IL1RAPL1: variants seen among roughly 807,000 people sequenced by gnomAD.
The protein encoded by IL1RAPL1 is interleukin-1 receptor accessory protein-like 1.
IL1RAPL1 carries 3 observed loss-of-function variants against 48.4 expected under a neutral mutation model. The observed-to-expected ratio is 0.06, with a 90% CI of 0.03 to 0.16. The LOEUF (loss-of-function observed/expected upper bound fraction) is 0.16, where lower values mean the gene tolerates loss of function less well. Ranked by LOEUF, IL1RAPL1 falls within the 10% of genes least tolerant of loss-of-function variation. The pLI is 1.00. For missense variants in IL1RAPL1, 349 were observed against 530.6 expected (o/e 0.66, Z 3.36); for synonymous variants, 185 against 187.7 (o/e 0.99, Z 0.12).
intron 5 of IL1RAPL1, among the ~76,000 whole-genome samples, chrX:29,641,718 A>C (rs1925176145): frequency 8.9e-6 from 1 of 112,463 alleles, no homozygotes; most frequent in Non-Finnish European, 1.9e-5. Flanking sequence ...GCAAACATTC[A>C]CCTGACTCTT....
intron 3 of IL1RAPL1, among the ~76,000 whole-genome samples, chrX:29,319,575 T>TATCC (rs1555990692): frequency 3.7e-5 from 4 of 106,795 alleles, no homozygotes; most frequent in Non-Finnish European, 7.7e-5. Context: ...TCTATCTATC[T>TATCC]ATCCATCCAT....
chrX:29,378,058 TC>T (rs1163660861), intron 3 of IL1RAPL1, among the ~76,000 whole-genome samples: 1 of 109,784 alleles, frequency 9.1e-6, no homozygotes, highest in Non-Finnish European at 1.9e-5. Context: ...TTTTTTTTTT[TC>T]ATTTTAAAAA....
At chrX:29,027,526 A>G (rs1308617319) in intron 2 of IL1RAPL1, among the ~76,000 whole-genome samples, 1 of 111,922 alleles carries the variant, frequency 8.9e-6, no homozygotes, top group Non-Finnish European at 1.9e-5. Context: ...TGAAGACCTA[A>G]ATTTTCAGCT....
At chrX:29,661,533 T>G (rs942169823) in intron 5 of IL1RAPL1, among the ~76,000 whole-genome samples, 1 of 112,308 alleles carries the variant, frequency 8.9e-6, no homozygotes, top group Non-Finnish European at 1.9e-5. Flanking sequence ...CACTTCCCTT[T>G]GGGGGATCAC....
intron 2 of IL1RAPL1, among the ~76,000 whole-genome samples, chrX:29,081,020 CTTTCTTTTCTTTTCTTTTCTTT>C (rs1927821900): frequency 2.4e-5 from 1 of 41,914 alleles, no homozygotes; most frequent in Non-Finnish European, 4.4e-5. Context: ...CTCTCTCTCT[CTTTCTTTTCTTTTCTTTTCTTT>C]TCTTTTCTTT....
chrX:29,609,575 A>G (rs751811892), intron 5 of IL1RAPL1, among the ~76,000 whole-genome samples: 8 of 112,094 alleles, frequency 7.1e-5, no homozygotes, highest in Middle Eastern at 4.6e-3. Flanking sequence ...TCAGTCATCT[A>G]TGTTCCTCTT....
chrX:29,161,265 T>C (rs1196992847), intron 2 of IL1RAPL1, among the ~76,000 whole-genome samples: 3 of 111,356 alleles, frequency 2.7e-5, no homozygotes, highest in African/African-American at 9.8e-5. Flanking sequence ...GAAAGTGATG[T>C]ATGGAGAACT....
chrX:28,949,300 A>T (rs1924388315), intron 2 of IL1RAPL1, among the ~76,000 whole-genome samples: 1 of 110,490 alleles, frequency 9.1e-6, no homozygotes. Context: ...TTCTCAACAT[A>T]AATGAGCCTT....
chrX:29,502,752 G>A (rs756465202), intron 5 of IL1RAPL1, among the ~76,000 whole-genome samples: 1 of 111,729 alleles, frequency 9.0e-6, no homozygotes, highest in South Asian at 3.7e-4. Context: ...TTTCATCAGC[G>A]ATATTGGCCT....
rs376374432 is a variant in IL1RAPL1, at chrX:28,937,479, C to T, written c.82+148054C>T. Among the ~76,000 whole-genome samples the T allele has an allele frequency of 5.1e-4, 56 of 110,818 alleles. 1 individual carries two copies. The highest frequency in any genetic ancestry group is 3.3e-3 in the Admixed American group (34 of 10,294). ...TAGATATCATTAGTAGTCACACTCC[C>T]GAAACATTAAAAATTAATGACAGAG... On this transcript the variant is annotated intron_variant, in intron 2 of 10. Coordinates refer to ENST00000378993, the MANE Select transcript of IL1RAPL1 (RefSeq NM_014271.4).
intron 1 of IL1RAPL1, among the ~76,000 whole-genome samples, chrX:28,651,898 G>C (rs1191156304): frequency 9.0e-6 from 1 of 111,311 alleles, no homozygotes; most frequent in Non-Finnish European, 1.9e-5. Context: ...ACTCCTTCTG[G>C]ACAGAATTAT....
rs1182622021 is a variant in IL1RAPL1, at chrX:29,096,772, C to A, written c.83-186166C>A. Among the ~76,000 whole-genome samples the A allele has an allele frequency of 2.7e-5, 3 of 109,946 alleles. No homozygotes were observed. The East Asian group carries it at 8.4e-4, about 31-fold the overall frequency. ...AAGATGTTATGATGAAATTGATTTT[C>A]TTTGAGGTCCAAAATGGCCTTTACA... is the stretch of plus-strand genomic sequence containing the variant. On this transcript the variant is annotated intron_variant, in intron 2 of 10. Transcript: ENST00000378993.
At position 29,841,773 on chromosome X, in the gene IL1RAPL1, T is replaced by C. The variant is rs377748902; in HGVS notation, c.779-75691T>C. Among the ~76,000 whole-genome samples, 4 of 111,702 alleles carry C rather than the reference T, an allele frequency of 3.6e-5. No individual in the cohort carries two copies. The South Asian group carries it at 1.5e-3, about 42-fold the overall frequency. ...GGAAGTGGCTTCACATAGAAGGAGC[T>C]GAGAATGCAGAATGATGTAACAGGG... On this transcript the variant is annotated intron_variant, in intron 6 of 10. Coordinates refer to ENST00000378993, the MANE Select transcript of IL1RAPL1 (RefSeq NM_014271.4).
At chrX:29,775,378 A>G (rs898561854) in intron 6 of IL1RAPL1, among the ~76,000 whole-genome samples, 6 of 111,717 alleles carry the variant, frequency 5.4e-5, no homozygotes, top group African/African-American at 1.9e-4. Flanking sequence ...CTGGGGTTGA[A>G]GTAGTTACTT....
intron 2 of IL1RAPL1, among the ~76,000 whole-genome samples, chrX:28,888,534 A>C (rs993594862): frequency 8.9e-6 from 1 of 111,761 alleles, no homozygotes; most frequent in Non-Finnish European, 1.9e-5. Context: ...AGTGTAACAC[A>C]GCAAGAACAT....
intron 6 of IL1RAPL1, among the ~76,000 whole-genome samples, chrX:29,801,036 T>A (rs1051518333): frequency 2.8e-3 from 3 of 1,058 alleles, no homozygotes; most frequent in Non-Finnish European, 7.3e-3. Context: ...AAAAAAAAAC[T>A]CTCCGTCTCA....
intron 5 of IL1RAPL1, among the ~76,000 whole-genome samples, chrX:29,535,016 C>T (rs1921176425): frequency 9.4e-6 from 1 of 106,299 alleles, no homozygotes; most frequent in Admixed American, 1.0e-4. Flanking sequence ...TGCCTGTAGT[C>T]CCTGCTACAT....
intron 2 of IL1RAPL1, among the ~76,000 whole-genome samples, chrX:29,051,311 A>T (rs1289609639): frequency 2.7e-5 from 3 of 111,996 alleles, no homozygotes; most frequent in Non-Finnish European, 5.6e-5. Context: ...TGGACTCAAC[A>T]TTGATTCTCC....
At chrX:29,332,655 T>A (rs1048355995) in intron 3 of IL1RAPL1, among the ~76,000 whole-genome samples, 1 of 79,725 alleles carries the variant, frequency 1.3e-5, no homozygotes, top group African/African-American at 9.0e-5. Context: ...TTTATTTTAT[T>A]TTTTTTTTTT....
Sources: allele counts gnomAD v4.1 joint callset (sites outside exome capture counted in the v4.1 genomes callset), GRCh38; gene constraint gnomAD v4.1.1; transcripts MANE v1.5; gene names NCBI Gene and HGNC (gene_info 2026-07-23, HGNC 2026-07-21).